Variants in SPATA1 observed in about 807,000 individuals in gnomAD.
SPATA1 encodes the protein spermatogenesis associated 1.
SPATA1 carries 57 observed loss-of-function variants against 59.6 expected under a neutral mutation model. The ratio of observed to expected loss-of-function variants is 0.96; its 90% CI spans 0.77 to 1.19. The LOEUF is 1.19. SPATA1 is among the 50% of genes most tolerant of loss of function. The pLI is 0.00. For missense variants in SPATA1, 448 were observed against 480.7 expected, an observed-to-expected ratio of 0.93 and a Z score of 0.64; for synonymous variants, 147 against 163.9, an observed-to-expected ratio of 0.90 and a Z score of 0.79.
chr1:84,562,943 A>G, intron 4 of SPATA1, among the ~76,000 whole-genome samples: 1 of 152,134 alleles, frequency 6.6e-6, no homozygotes, highest in East Asian at 1.9e-4. Context: ...AACCCATTCA[A>G]AATCAACAGT....
At chr1:84,514,310 G>A (rs1004818785) in intron 1 of SPATA1, among the ~76,000 whole-genome samples, 1 of 152,092 alleles carries the variant, frequency 6.6e-6, no homozygotes, top group African/African-American at 2.4e-5. Context: ...AATGATAAAG[G>A]GAGTTCTTAA....
chr1:84,510,665 G>C (rs1682496515), intron 1 of SPATA1, among the ~76,000 whole-genome samples: 1 of 152,102 alleles, frequency 6.6e-6, no homozygotes, highest in Non-Finnish European at 1.5e-5. Context: ...GCTAGCTATA[G>C]ACCCAAAAGA....
intron 8 of SPATA1, among the ~76,000 whole-genome samples, chr1:84,539,986 A>G (rs1219059438): frequency 2.0e-5 from 3 of 152,106 alleles, no homozygotes; most frequent in African/African-American, 4.8e-5. Context: ...GGCTCATTTA[A>G]TGCCTTTTTG....
intron 4 of SPATA1, among the ~76,000 whole-genome samples, chr1:84,565,316 A>T (rs190738040): frequency 4.1e-4 from 63 of 152,362 alleles, no homozygotes; most frequent in Admixed American, 1.5e-3. Flanking sequence ...CATCAAATGA[A>T]TGACAGGTCA....
intron 1 of SPATA1, among the ~76,000 whole-genome samples, chr1:84,508,092 C>G (rs1312255608): frequency 2.0e-5 from 3 of 152,016 alleles, no homozygotes; most frequent in African/African-American, 7.3e-5. Context: ...CCATCCTGGC[C>G]AACGTGGGGA....
exon 8 of SPATA1, chr1:84,533,750 G>C: frequency 1.3e-6 from 2 of 1,564,328 alleles, no homozygotes; most frequent in Non-Finnish European, 1.7e-6. Context: ...GCTATCAGTA[G>C]AAGACAGGAC....
At chr1:84,547,469 C>A (rs1035012068) in intron 10 of SPATA1, among the ~76,000 whole-genome samples, 2 of 152,180 alleles carry the variant, frequency 1.3e-5, no homozygotes, top group Non-Finnish European at 2.9e-5. Flanking sequence ...AAGGAGCTTG[C>A]TTCCCTATGG....
chr1:84,531,696 C>G (rs1226322335), intron 6 of SPATA1, among the ~76,000 whole-genome samples: 1 of 151,338 alleles, frequency 6.6e-6, no homozygotes, highest in Admixed American at 6.6e-5. Flanking sequence ...ACCCTAGTCT[C>G]CCAAGTAGCT....
intron 8 of SPATA1, among the ~76,000 whole-genome samples, chr1:84,541,309 ATTGT>A (rs139371571): frequency 0.088 from 13,367 of 152,024 alleles, 1,122 homozygotes; most frequent in African/African-American, 0.21. Context: ...GATCTGTTTC[ATTGT>A]TTTGTTTTGT....
intron 4 of SPATA1, among the ~76,000 whole-genome samples, 194 bp from the exon 14 acceptor site, chr1:84,565,667 T>C (rs1262782235): frequency 6.6e-6 from 1 of 152,198 alleles, no homozygotes; most frequent in Non-Finnish European, 1.5e-5. Context: ...ATCAAAACTT[T>C]AAAACTTTTT....
chr1:84,508,373 T>C (rs1260569797), intron 1 of SPATA1, among the ~76,000 whole-genome samples: 1 of 152,204 alleles, frequency 6.6e-6, no homozygotes, highest in Non-Finnish European at 1.5e-5. Flanking sequence ...ACTATCTGTA[T>C]CTCTTAAACT....
downstream of SPATA1, among the ~76,000 whole-genome samples, chr1:84,558,116 T>C (rs1684501939): frequency 6.6e-6 from 1 of 152,144 alleles, no homozygotes; most frequent in Non-Finnish European, 1.5e-5. Context: ...TTAATAACAA[T>C]GTATTATGTT....
At chr1:84,560,620 A>G (rs1294217279) in intron 4 of SPATA1, among the ~76,000 whole-genome samples, 1 of 152,230 alleles carries the variant, frequency 6.6e-6, no homozygotes, top group Non-Finnish European at 1.5e-5. Context: ...GATGCCATTT[A>G]AGACTTTGCT....
At chr1:84,517,748 A>C (rs1682858718) in intron 2 of SPATA1, among the ~76,000 whole-genome samples, 1 of 151,904 alleles carries the variant, frequency 6.6e-6, no homozygotes, top group Admixed American at 6.6e-5. Flanking sequence ...CAAGGGATTG[A>C]CTCCAGCTTT....
At chr1:84,537,721 G>T (rs1205621686) in intron 8 of SPATA1, among the ~76,000 whole-genome samples, 2 of 152,210 alleles carry the variant, frequency 1.3e-5, no homozygotes, top group Non-Finnish European at 2.9e-5. Flanking sequence ...CAATGGCTTT[G>T]ATGTGATTCT....
intron 10 of SPATA1, among the ~76,000 whole-genome samples, chr1:84,547,023 G>T (rs919247036): frequency 1.3e-5 from 2 of 152,156 alleles, no homozygotes; most frequent in Non-Finnish European, 2.9e-5. Flanking sequence ...GAATTAAGTG[G>T]TTTTATGATT....
chr1:84,514,292 T>C (rs1465172662), intron 1 of SPATA1, among the ~76,000 whole-genome samples: 1 of 152,318 alleles, frequency 6.6e-6, no homozygotes, highest in East Asian at 1.9e-4. Context: ...AGCATTGGTC[T>C]CATCAGAAAT....
At chr1:84,512,052 G>C (rs1458876793) in intron 1 of SPATA1, among the ~76,000 whole-genome samples, 1 of 152,064 alleles carries the variant, frequency 6.6e-6, no homozygotes, top group Non-Finnish European at 1.5e-5. Flanking sequence ...TTTATTTACA[G>C]CTTAACCAGG....
intron 4 of SPATA1, among the ~76,000 whole-genome samples, chr1:84,562,406 C>T (rs1224627278): frequency 6.6e-6 from 1 of 152,166 alleles, no homozygotes; most frequent in African/African-American, 2.4e-5. Context: ...TCTGTGGAGG[C>T]ATACACATGT....
Sources: gnomAD v4.1 joint callset for allele counts (sites outside exome capture counted in the v4.1 genomes callset) on GRCh38, gnomAD v4.1.1 for gene constraint, MANE v1.5 for transcripts, NCBI Gene and HGNC (gene_info 2026-07-23, HGNC 2026-07-21) for gene names.